The following CPNE4 variants were observed in gnomAD, a reference collection of about 807,000 sequenced individuals.
The protein encoded by CPNE4 is copine 4.
A neutral mutation model predicts 67.9 loss-of-function variants in CPNE4; 25 were observed. The observed-to-expected ratio is 0.37, with a 90% CI of 0.27 to 0.51. CPNE4 has a LOEUF of 0.51. CPNE4 is among the 20% of genes least tolerant of loss of function. The probability of loss-of-function intolerance (pLI) is 0.93; values close to 1 mark genes in which losing one functional copy is unlikely to be tolerated. For missense variants in CPNE4, 464 were observed against 690.8 expected (o/e 0.67, Z 3.68); for synonymous variants, 242 against 244.9 (o/e 0.99, Z 0.11).
chr3:131,730,313 A>G (rs1201892161), intron 2 of CPNE4, among the ~76,000 whole-genome samples: 1 of 152,186 alleles, frequency 6.6e-6, no homozygotes, highest in Non-Finnish European at 1.5e-5. Flanking sequence ...TCATTTTAAC[A>G]CTGATTTATA....
intron 1 of CPNE4, among the ~76,000 whole-genome samples, chr3:131,944,214 CCT>C (rs1229090658): frequency 3.4e-5 from 5 of 147,266 alleles, no homozygotes; most frequent in African/African-American, 1.2e-4. Context: ...GAACCTCTTT[CCT>C]CTCTCTCTTT....
rs1458669542 is a variant in CPNE4, at chr3:132,027,399, A to G, written c.-2+7168T>C. On this transcript the variant is annotated intron_variant, in intron 1 of 15. Coordinates refer to ENST00000429747, the MANE Select transcript of CPNE4 (RefSeq NM_130808.3). The stretch of plus-strand genomic sequence containing the variant: ...CCAAGTTCTCACATTCTCTTATTCC[A>G]TAAGAGGCATTTATTTTCCCATCTT... Among the ~76,000 whole-genome samples the G allele has an allele frequency of 1.3e-5, 2 of 152,166 alleles. 1 individual carries two copies. Among genetic ancestry groups the G allele is most frequent in the African/African-American group, 4.8e-5 (2 of 41,442 alleles).
intron 2 of CPNE4, among the ~76,000 whole-genome samples, chr3:131,775,615 C>G (rs1206358708): frequency 6.6e-6 from 1 of 152,022 alleles, no homozygotes; most frequent in Non-Finnish European, 1.5e-5. Flanking sequence ...GGGGAGTTTC[C>G]CCGCACAAGT....
intron 7 of CPNE4, among the ~76,000 whole-genome samples, chr3:131,665,366 G>A (rs185667166): frequency 6.6e-6 from 1 of 152,160 alleles, no homozygotes; most frequent in Admixed American, 6.6e-5. Context: ...CAAGTAGTAT[G>A]ATTATATATT....
At chr3:131,700,058 T>C in intron 3 of CPNE4, 78 bp from the exon 4 acceptor site, 1 of 371,634 alleles carries the variant, frequency 2.7e-6, no homozygotes, top group Non-Finnish European at 4.1e-6. Context: ...TTAAACCTTT[T>C]TTTTTTTTTT....
chr3:131,909,617 A>ATT (rs2088902191), intron 1 of CPNE4, among the ~76,000 whole-genome samples: 1 of 152,124 alleles, frequency 6.6e-6, no homozygotes, highest in Non-Finnish European at 1.5e-5. Flanking sequence ...TAGGCAACCA[A>ATT]ACACCACGAA....
At chr3:131,707,222 T>C (rs1583054154) in intron 3 of CPNE4, among the ~76,000 whole-genome samples, 2 of 152,288 alleles carry the variant, frequency 1.3e-5, no homozygotes, top group East Asian at 3.9e-4. Flanking sequence ...GAAATCAAGG[T>C]ATTGGCAGAG....
At chr3:131,972,056 T>G (rs2072517419) in intron 1 of CPNE4, among the ~76,000 whole-genome samples, 1 of 152,084 alleles carries the variant, frequency 6.6e-6, no homozygotes, top group African/African-American at 2.4e-5. Context: ...AAGAAAATGT[T>G]CATGGCAACT....
At chr3:131,744,878 G>C (rs1186433131) in intron 2 of CPNE4, among the ~76,000 whole-genome samples, 2 of 152,170 alleles carry the variant, frequency 1.3e-5, no homozygotes, top group African/African-American at 2.4e-5. Flanking sequence ...ACTGCAGATG[G>C]GGGGTGTTAT....
intron 6 of CPNE4, among the ~76,000 whole-genome samples, chr3:131,675,250 T>C (rs1015419842): frequency 6.6e-6 from 1 of 152,164 alleles, no homozygotes; most frequent in Admixed American, 6.6e-5. Context: ...TCCTTGAGAA[T>C]GGTCCATGTG....
At chr3:131,956,025 G>A (rs1322886232) in intron 1 of CPNE4, among the ~76,000 whole-genome samples, 1 of 152,134 alleles carries the variant, frequency 6.6e-6, no homozygotes, top group Admixed American at 6.5e-5. Context: ...CAGATAGATA[G>A]ATAGATATTG....
At chr3:131,612,007 A>G (rs1450084153) in intron 7 of CPNE4, among the ~76,000 whole-genome samples, 1 of 152,146 alleles carries the variant, frequency 6.6e-6, no homozygotes, top group Non-Finnish European at 1.5e-5. Context: ...TGTGATAGCT[A>G]TTTGTAACTT....
At chr3:131,793,479 A>G (rs898351251) in intron 2 of CPNE4, among the ~76,000 whole-genome samples, 1 of 152,202 alleles carries the variant, frequency 6.6e-6, no homozygotes, top group African/African-American at 2.4e-5. Flanking sequence ...CAGCAGCAGC[A>G]ACAACAACCA....
At chr3:131,721,878 T>G (rs2081896356) in intron 3 of CPNE4, among the ~76,000 whole-genome samples, 2 of 152,328 alleles carry the variant, frequency 1.3e-5, no homozygotes, top group South Asian at 2.1e-4. Context: ...ACCTACTTAG[T>G]GGACATTGTA....
At chr3:131,902,169 C>T (rs1182473877) in intron 2 of CPNE4, among the ~76,000 whole-genome samples, 2 of 151,936 alleles carry the variant, frequency 1.3e-5, no homozygotes, top group East Asian at 3.9e-4. Flanking sequence ...TATCAATGAA[C>T]CATATGATTA....
At chr3:131,680,463 C>T (rs1418412939) in intron 6 of CPNE4, among the ~76,000 whole-genome samples, 1 of 151,988 alleles carries the variant, frequency 6.6e-6, no homozygotes, top group Non-Finnish European at 1.5e-5. Context: ...AAAAACACTA[C>T]ACTTTAACTT....
intron 2 of CPNE4, among the ~76,000 whole-genome samples, chr3:131,821,826 G>C (rs992968686): frequency 2.6e-5 from 4 of 152,074 alleles, no homozygotes; most frequent in Admixed American, 2.6e-4. Context: ...CTGCTTCCCA[G>C]ACCTCTGAGT....
At chr3:131,599,178 A>T (rs1939066286) in intron 7 of CPNE4, among the ~76,000 whole-genome samples, 1 of 152,236 alleles carries the variant, frequency 6.6e-6, no homozygotes, top group African/African-American at 2.4e-5. Flanking sequence ...AAATTCAGTG[A>T]CAACATTTGA....
intron 3 of CPNE4, among the ~76,000 whole-genome samples, chr3:131,718,831 T>C (rs1443736045): frequency 6.6e-6 from 1 of 152,236 alleles, no homozygotes; most frequent in East Asian, 1.9e-4. Context: ...ATATCCAGGG[T>C]GCTTGCTAAA....
Sources: gnomAD v4.1 joint callset for allele counts (sites outside exome capture counted in the v4.1 genomes callset) on GRCh38, gnomAD v4.1.1 for gene constraint, MANE v1.5 for transcripts, NCBI Gene and HGNC (gene_info 2026-07-23, HGNC 2026-07-21) for gene names.